PKHD1: variants seen among roughly 807,000 people sequenced by gnomAD.
PKHD1 encodes the protein PKHD1 ciliary IPT domain containing fibrocystin/polyductin, also known as fibrocystin.
Under a neutral mutation model 412.0 loss-of-function variants are expected in PKHD1, and 291 were observed. The observed-to-expected ratio is 0.71, with a 90% CI of 0.64 to 0.78. The LOEUF (loss-of-function observed/expected upper bound fraction) is 0.78, where lower values mean the gene tolerates loss of function less well. Ranked by LOEUF, PKHD1 falls within the 30% of genes least tolerant of loss-of-function variation. PKHD1 has a pLI of 0.00. For missense variants in PKHD1, 4,825 were observed against 4,950.7 expected (o/e 0.97, Z 0.76); for synonymous variants, 1,777 against 1,821.5 (o/e 0.98, Z 0.62).
In PKHD1 at chr6:52,085,004, G is replaced by C. The variant is rs1812551907; in HGVS notation, c.-71C>G. ...AGCATTTTCAGTTTTGATTGGAGCA[G>C]CATAGCTTTTGTGCTTTATAAAAAC... On this transcript the variant is annotated 5_prime_UTR_variant, in exon 2 of 67. Coordinates refer to ENST00000371117, the MANE Select transcript of PKHD1 (RefSeq NM_138694.4). 9.8e-7 allele frequency: 1 copy of C among 1,022,502 alleles called. No homozygotes were observed. The allele number at this position is 1,022,502 out of a possible 1,614,324, so 63.3% of individuals were successfully genotyped here.
intron 35 of PKHD1, among the ~76,000 whole-genome samples, chr6:52,004,967 A>C (rs1798872603): frequency 6.6e-6 from 1 of 152,108 alleles, no homozygotes; most frequent in Admixed American, 6.5e-5. Context: ...ACCCCTGCAG[A>C]CTTCTAGAGT....
At chr6:51,823,077 G>C (rs1227183625) in intron 52 of PKHD1, among the ~76,000 whole-genome samples, 1 of 145,376 alleles carries the variant, frequency 6.9e-6, no homozygotes, top group Non-Finnish European at 1.5e-5. Flanking sequence ...GTAAGAGAAA[G>C]AAGTTGCTAT....
At chr6:51,793,164 C>A (rs1342018874) in intron 52 of PKHD1, among the ~76,000 whole-genome samples, 2 of 152,034 alleles carry the variant, frequency 1.3e-5, no homozygotes, top group Non-Finnish European at 2.9e-5. Context: ...GCTAAACAGA[C>A]AAAAATAAAT....
intron 60 of PKHD1, among the ~76,000 whole-genome samples, chr6:51,734,552 T>C: frequency 6.6e-6 from 1 of 152,130 alleles, no homozygotes; most frequent in East Asian, 1.9e-4. Context: ...AGCAGACTTG[T>C]AAAATGATGG....
At position 52,044,967 on chromosome 6, in the gene PKHD1, T is replaced by C; in HGVS notation, c.2714A>G (p.Gln905Arg). 6.2e-7 allele frequency: 1 copy of C among 1,613,518 alleles called. No individual in the cohort carries two copies. The highest frequency in any genetic ancestry group is 8.5e-7 in the Non-Finnish European group (1 of 1,179,512). Residue 905 changes from glutamine (Q) to arginine (R), a missense_variant and splice_region_variant, in exon 25 of 67, where the codon CAG (glutamine) becomes CGG (arginine). Transcript: ENST00000371117. ...DMLATANQHT[Q>R]VVVRVNDVPA... ...TTAGGGTGGCCCATTCACTCTCACCTGAGTATGCTGGTTGGCAGTAGCCAA... is the reference window on the plus strand; with the variant it reads ...TTAGGGTGGCCCATTCACTCTCACCCGAGTATGCTGGTTGGCAGTAGCCAA...
intron 63 of PKHD1, among the ~76,000 whole-genome samples, chr6:51,647,153 G>A (rs1196336343): frequency 6.6e-6 from 1 of 152,046 alleles, no homozygotes; most frequent in Non-Finnish European, 1.5e-5. Flanking sequence ...ATATTGTACT[G>A]TTTGACAACA....
chr6:51,632,713 A>T lies in PKHD1; in HGVS notation c.11517T>A (p.Phe3839Leu). The T allele has an allele frequency of 6.2e-7, 1 of 1,613,116 alleles. No individual in the cohort carries two copies. The highest frequency in any genetic ancestry group is 8.5e-7 in the Non-Finnish European group (1 of 1,179,290). The change falls in exon 65 of 67, where the codon TTT (phenylalanine) becomes TTA (leucine). Residue 3839 changes from phenylalanine (F) to leucine (L), a missense_variant. Phe to Leu is a conservative substitution (Grantham distance 22, BLOSUM62 0). Transcript: ENST00000371117. ...CAGCAAATGGCTTGGATCGAGCTGT[A>T]AAATTGACTCCTGTGGCGGGGAAAA... ...FTVTSPPGVN[F>L]TARSKPFAVL...
chr6:51,998,646 GTTTA>G (rs1245215736), intron 35 of PKHD1, among the ~76,000 whole-genome samples: 2 of 151,806 alleles, frequency 1.3e-5, no homozygotes, highest in African/African-American at 4.8e-5. Context: ...CTTTCCTGTT[GTTTA>G]TTTGTTTGTT....
Position 52,072,193 on chromosome 6 carries a change from G to A in PKHD1, c.528-4C>T, listed in dbSNP as rs761991923. ...TTGAGCTTCCAAGATCACTGGGCTG[G>A]ATTTAAAAAAAAATGAAAACAAAAG... On this transcript the variant is annotated splice_polypyrimidine_tract_variant and splice_region_variant and intron_variant, in intron 7 of 66. Transcript: ENST00000371117. 1.8e-5 allele frequency: 28 copies of A among 1,586,768 alleles called. No homozygotes were observed. In the South Asian group the frequency reaches 2.8e-4, roughly 16 times the overall value.
chr6:51,848,098 A>G (rs1771537242), intron 49 of PKHD1, 128 bp from the exon 50 acceptor site: 3 of 700,860 alleles, frequency 4.3e-6, no homozygotes, highest in Middle Eastern at 3.7e-4. Context: ...AAATCATACA[A>G]TTTAGACCCA....
chr6:52,041,646 C>T (rs1023496028), intron 27 of PKHD1, among the ~76,000 whole-genome samples: 9 of 152,226 alleles, frequency 5.9e-5, no homozygotes, highest in African/African-American at 2.2e-4. Context: ...CTTGGCATAT[C>T]CCTTCTCAGA....
At chr6:51,912,103 C>T in intron 38 of PKHD1, 147 bp from the exon 39 acceptor site, 1 of 722,180 alleles carries the variant, frequency 1.4e-6, no homozygotes. Context: ...ACTATAGACA[C>T]AAGTACATGA....
At chr6:52,022,986 T>C (rs1801629548) in intron 32 of PKHD1, 42 bp from the exon 33 acceptor site, 1 of 1,611,380 alleles carries the variant, frequency 6.2e-7, no homozygotes, top group Non-Finnish European at 8.5e-7. Flanking sequence ...TACAGGCAAA[T>C]CTCCCTTCTT....
chr6:52,078,366 AAG>A (rs879642200), intron 5 of PKHD1, among the ~76,000 whole-genome samples: 4 of 152,104 alleles, frequency 2.6e-5, no homozygotes, highest in Non-Finnish European at 5.9e-5. Flanking sequence ...GTAGAAGCAA[AAG>A]AGGGGAGAGG....
intron 65 of PKHD1, 108 bp downstream of exon 65, chr6:51,632,457 G>T: frequency 1.1e-6 from 1 of 883,090 alleles, no homozygotes; most frequent in Non-Finnish European, 1.8e-6. Flanking sequence ...TTTTAGAGAA[G>T]CTCACAAAAA....
intron 26 of PKHD1, 82 bp downstream of exon 26, chr6:52,043,543 C>T (rs564852167): frequency 2.2e-6 from 2 of 922,596 alleles, no homozygotes; most frequent in East Asian, 2.5e-5. Flanking sequence ...TCTACCCACC[C>T]ATCACCAGCT....
intron 48 of PKHD1, among the ~76,000 whole-genome samples, chr6:51,861,963 C>T (rs1045470779): frequency 6.6e-6 from 1 of 152,166 alleles, no homozygotes; most frequent in East Asian, 1.9e-4. Context: ...TATTTGAGAA[C>T]ACGAGAACAC....
intron 36 of PKHD1, among the ~76,000 whole-genome samples, chr6:51,954,389 T>C (rs1405074863): frequency 6.6e-6 from 1 of 152,040 alleles, no homozygotes; most frequent in East Asian, 1.9e-4. Context: ...AGCTGGGAAG[T>C]AGTGGAGCCC....
Position 52,027,824 on chromosome 6 carries a change from C to T in PKHD1, c.3628+5G>A. The T allele has an allele frequency of 6.2e-7, 1 of 1,600,652 alleles. No individual in the cohort carries two copies. Among genetic ancestry groups the T allele is most frequent in the South Asian group, 1.1e-5 (1 of 90,830 alleles). On this transcript the variant is annotated splice_donor_5th_base_variant and intron_variant, in intron 31 of 66. Transcript: ENST00000371117. ...ATTGATAACAGTCACATAAGAGCCA[C>T]TCACCCAGCAGGGACCCACAGCAAG... is the stretch of plus-strand genomic sequence containing the variant.
Sources: gnomAD v4.1 joint callset for allele counts (sites outside exome capture counted in the v4.1 genomes callset) on GRCh38, gnomAD v4.1.1 for gene constraint, MANE v1.5 for transcripts, NCBI Gene and HGNC (gene_info 2026-07-23, HGNC 2026-07-21) for gene names.